The following RIMS3 variants were observed in gnomAD, a reference collection of about 807,000 sequenced individuals.
RIMS3 encodes the protein regulating synaptic membrane exocytosis 3.
In RIMS3, 15 loss-of-function variants were observed where a neutral mutation model predicts 29.2. That is an observed-to-expected ratio of 0.51 (90% CI 0.34 to 0.79). The LOEUF is 0.79. Ranked by LOEUF, RIMS3 falls within the 30% of genes least tolerant of loss-of-function variation. RIMS3 has a pLI of 0.01. For synonymous variants in RIMS3, 161 were observed against 170.1 expected (o/e 0.95, Z 0.41); for missense variants, 342 against 421.4 (o/e 0.81, Z 1.65).
At chr1:40,689,763 TATCA>T in the RIMS3 span, among the ~76,000 whole-genome samples, 1 of 152,230 alleles carries the variant, frequency 6.6e-6, no homozygotes, top group Non-Finnish European at 1.5e-5. Flanking sequence ...GGCTTATATG[TATCA>T]ATTGACTGTT....
rs1415993441 is a variant in RIMS3, at chr1:40,625,332, G to T, written c.*1185C>A. On this transcript the variant is annotated 3_prime_UTR_variant, in exon 8 of 8. Transcript: ENST00000372684. The stretch of plus-strand genomic sequence containing the variant: ...TAAGTATTGCTTAGACAGAGCTGGT[G>T]ATGGTGGCAGACGAGAGTCCGGAGC... 6.5e-6 allele frequency: 1 copy of T among 152,750 alleles called. No homozygotes were observed. Among genetic ancestry groups the T allele is most frequent in the Non-Finnish European group, 1.5e-5 (1 of 68,158 alleles). The allele number at this position is 152,750 out of a possible 1,614,324, so 9.5% of individuals were successfully genotyped here. A position where few individuals can be genotyped will look rare whatever the true frequency, so the allele number is the denominator to read the frequency against.
Position 40,641,913 on chromosome 1 carries a change from C to T in RIMS3, c.13G>A (p.Glu5Lys). The T allele has an allele frequency of 6.2e-7, 1 of 1,613,592 alleles. No individual in the cohort carries two copies. The highest frequency in any genetic ancestry group is 8.5e-7 in the Non-Finnish European group (1 of 1,179,722). MFNG[E>K]PGPASSGASR... is the part of the protein sequence containing the mutation. Reference sequence around the variant, plus strand: ...GCCCCAGATGAGGCAGGACCTGGCTCCCCGTTAAACATGGTCCCCGGGGTG... The same window carrying T: ...GCCCCAGATGAGGCAGGACCTGGCTTCCCGTTAAACATGGTCCCCGGGGTG... The change falls in exon 3 of 8, where the codon GAG becomes AAG. Residue 5 changes from glutamate (E) to lysine (K), a missense_variant. By Grantham distance (56) the Glu-to-Lys change is moderately conservative. Coordinates refer to ENST00000372684, the MANE Select transcript of RIMS3 (RefSeq NM_014747.3).
chr1:40,653,454 A>T (rs1642225252), intron 1 of RIMS3, among the ~76,000 whole-genome samples: 1 of 152,128 alleles, frequency 6.6e-6, no homozygotes, highest in Non-Finnish European at 1.5e-5. Flanking sequence ...CCAGCTCAGG[A>T]TGCAGGAGGG....
rs932336061 is a variant in RIMS3, at chr1:40,635,393, G to A, written c.359+523C>T. On this transcript the variant is annotated intron_variant, in intron 4 of 7. Transcript: ENST00000372684. The surrounding 1 kb of genome is among the most constrained non-coding windows in gnomAD (Gnocchi z 4.1). ...GAGGCAATTTATTCTTACTTCATAA[G>A]ATATGTCTATTTCTTTTTCTAATGC... Among the ~76,000 whole-genome samples, 1 of 152,158 alleles carries A rather than the reference G, an allele frequency of 6.6e-6. No homozygotes were observed. Among genetic ancestry groups the A allele is most frequent in the Non-Finnish European group, 1.5e-5 (1 of 68,018 alleles).
chr1:40,643,667 C>T (rs1273001589), intron 2 of RIMS3, among the ~76,000 whole-genome samples: 3 of 151,722 alleles, frequency 2.0e-5, no homozygotes, highest in African/African-American at 4.8e-5. Context: ...TTAGTAGTGA[C>T]GGGGTTTCAC....
chr1:40,686,395 G>A, the RIMS3 span, among the ~76,000 whole-genome samples: 5 of 152,240 alleles, frequency 3.3e-5, no homozygotes, highest in South Asian at 8.3e-4. Flanking sequence ...GCTCACGCCT[G>A]TAATCCCAGC....
chr1:40,668,554 A>G (rs1642455089), upstream of RIMS3, among the ~76,000 whole-genome samples: 2 of 149,554 alleles, frequency 1.3e-5, no homozygotes, highest in Non-Finnish European at 3.0e-5. Flanking sequence ...CTTTTGGGGA[A>G]ATTACAAAAA....
chr1:40,643,741 A>C (rs1208095407), intron 2 of RIMS3, among the ~76,000 whole-genome samples: 1 of 152,104 alleles, frequency 6.6e-6, no homozygotes, highest in Non-Finnish European at 1.5e-5. Context: ...GGCCTCCCAA[A>C]GTTCTGGGAT....
chr1:40,650,143 C>G (rs1008951723), intron 1 of RIMS3, among the ~76,000 whole-genome samples: 2 of 152,162 alleles, frequency 1.3e-5, no homozygotes, highest in African/African-American at 4.8e-5. Context: ...AAGGGTAAGG[C>G]AGACCCAGGG....
At chr1:40,671,285 T>A in the RIMS3 span, among the ~76,000 whole-genome samples, 4 of 152,210 alleles carry the variant, frequency 2.6e-5, no homozygotes, top group Admixed American at 1.3e-4. Flanking sequence ...ATGCACACAC[T>A]GTGGGACATC....
At chr1:40,690,761 G>A in the RIMS3 span, 1 of 152,184 alleles carries the variant, frequency 6.6e-6, no homozygotes, top group East Asian at 1.9e-4. Context: ...TTTTATTGAG[G>A]ACCCATGCAA....
chr1:40,628,254 T>C (rs1045734131), intron 7 of RIMS3, among the ~76,000 whole-genome samples: 4 of 152,230 alleles, frequency 2.6e-5, no homozygotes, highest in Non-Finnish European at 5.9e-5. Flanking sequence ...AGGTTCTTCA[T>C]CTATGAAACG....
intron 3 of RIMS3, among the ~76,000 whole-genome samples, chr1:40,638,060 G>C (rs952021046): frequency 1.3e-5 from 2 of 152,096 alleles, no homozygotes; most frequent in South Asian, 4.1e-4. Context: ...GATAAGACTT[G>C]TCCAACCCAA....
At position 40,621,866 on chromosome 1, in the gene RIMS3, A is replaced by T. The variant is rs150613428; in HGVS notation, c.*4651T>A. 2.6e-5 allele frequency: 4 copies of T among 152,358 alleles called. No homozygotes were observed. 9.4% of individuals were successfully genotyped at this position (152,358 alleles called of 1,614,324 possible). On this transcript the variant is annotated 3_prime_UTR_variant, in exon 8 of 8. Transcript: ENST00000372684. ...TCATTGTGAACTCCTTGGGAGGCCC[A>T]AGGCCCTGTCCTTACTGGCCAAGTT...
At chr1:40,657,074 T>C (rs941264699) in intron 1 of RIMS3, among the ~76,000 whole-genome samples, 52 of 152,198 alleles carry the variant, frequency 3.4e-4, no homozygotes, top group African/African-American at 1.2e-3. Flanking sequence ...ATTCACAAAT[T>C]GTCATAACGG....
intron 5 of RIMS3, among the ~76,000 whole-genome samples, chr1:40,631,758 G>A (rs1646490679): frequency 6.6e-6 from 1 of 151,624 alleles, no homozygotes; most frequent in South Asian, 2.1e-4. Context: ...GGTGGATGAG[G>A]TCAGGAGTTC....
At chr1:40,689,522 C>T in the RIMS3 span, among the ~76,000 whole-genome samples, 1 of 152,142 alleles carries the variant, frequency 6.6e-6, no homozygotes, top group Non-Finnish European at 1.5e-5. Context: ...CCTCGTCATC[C>T]ACCCACCTCG....
rs563091358 is a variant in RIMS3 at position 40,653,139 on chromosome 1, T to C, written c.-206-5297A>G. Among the ~76,000 whole-genome samples the C allele has an allele frequency of 3.3e-5, 5 of 152,262 alleles. No homozygotes were observed. In the East Asian group the frequency reaches 7.7e-4, roughly 24 times the overall value. On this transcript the variant is annotated intron_variant, in intron 1 of 7. Coordinates refer to ENST00000372684, the MANE Select transcript of RIMS3 (RefSeq NM_014747.3). ...ATGCTGCAACTCCCACATTCAGGTGTTGGCCAGGTAAGCTGATTCACGAGC... is the reference window on the plus strand; with the variant it reads ...ATGCTGCAACTCCCACATTCAGGTGCTGGCCAGGTAAGCTGATTCACGAGC...
rs1226915129 is a variant in RIMS3 at position 40,648,921 on chromosome 1, G to A, written c.-206-1079C>T. Among the ~76,000 whole-genome samples the A allele has an allele frequency of 3.9e-5, 6 of 152,192 alleles. 1 individual carries two copies. In the South Asian group the frequency reaches 8.3e-4, roughly 21 times the overall value. Reference sequence around the variant, plus strand: ...TAATCCAGCACCAGGATGGCCCATCGCATCACCTGTGCCAATCTGTGCCCC... The same window carrying A: ...TAATCCAGCACCAGGATGGCCCATCACATCACCTGTGCCAATCTGTGCCCC... On this transcript the variant is annotated intron_variant, in intron 1 of 7. Transcript: ENST00000372684.
Sources: gnomAD v4.1 joint callset for allele counts (sites outside exome capture counted in the v4.1 genomes callset) on GRCh38, gnomAD v4.1.1 for gene constraint, Gnocchi (gnomAD v3.1) non-coding constraint, MANE v1.5 for transcripts, NCBI Gene and HGNC (gene_info 2026-07-23, HGNC 2026-07-21) for gene names.